CDKN3: variants seen among roughly 807,000 people sequenced by gnomAD.
CDKN3 encodes the protein cyclin-dependent kinase inhibitor 3.
A neutral mutation model predicts 36.1 loss-of-function variants in CDKN3; 19 were observed. That is an observed-to-expected ratio of 0.53 (90% CI 0.37 to 0.77). The LOEUF (loss-of-function observed/expected upper bound fraction) is 0.77, where lower values mean the gene tolerates loss of function less well. Among genes scored for constraint, CDKN3 ranks in the 30% least tolerant of loss-of-function variants. The pLI is 0.00. For synonymous variants in CDKN3, 71 were observed against 85.3 expected, an observed-to-expected ratio of 0.83 and a Z score of 0.92; for missense variants, 188 against 248.6, an observed-to-expected ratio of 0.76 and a Z score of 1.64.
At chr14:54,405,619 T>C (rs1426683373) in intron 3 of CDKN3, among the ~76,000 whole-genome samples, 1 of 152,232 alleles carries the variant, frequency 6.6e-6, no homozygotes. Context: ...TTTTTTATCT[T>C]TGTTGGTTTA....
chr14:54,408,394 T>C (rs1408219455), intron 3 of CDKN3, among the ~76,000 whole-genome samples: 1 of 152,234 alleles, frequency 6.6e-6, no homozygotes, highest in African/African-American at 2.4e-5. Flanking sequence ...TGGACTATAG[T>C]TAAAGGAACA....
chr14:54,419,710 G>T (rs1305151652), intron 7 of CDKN3, among the ~76,000 whole-genome samples: 4 of 152,060 alleles, frequency 2.6e-5, no homozygotes, highest in Non-Finnish European at 5.9e-5. Flanking sequence ...ATCTTATTTG[G>T]TCCTGTAAGT....
chr14:54,397,134 CG>C, intron 1 of CDKN3, 57 bp downstream of exon 1: 7 of 1,430,130 alleles, frequency 4.9e-6, no homozygotes, highest in Admixed American at 2.9e-5. Flanking sequence ...CAAGCGGTCC[CG>C]GGGACCCGAT....
At chr14:54,408,236 T>C (rs1433748233) in intron 3 of CDKN3, among the ~76,000 whole-genome samples, 1 of 152,270 alleles carries the variant, frequency 6.6e-6, no homozygotes, top group Non-Finnish European at 1.5e-5. Flanking sequence ...ACCAGCAGTG[T>C]AAAAGTGTTC....
chr14:54,400,937 T>G (rs2029916521), intron 2 of CDKN3, among the ~76,000 whole-genome samples: 1 of 152,240 alleles, frequency 6.6e-6, no homozygotes, highest in Non-Finnish European at 1.5e-5. Context: ...TTAAGGAAGT[T>G]CTATTTAAAA....
At chr14:54,411,352 T>C in intron 4 of CDKN3, 132 bp from the exon 5 acceptor site, 1 of 671,936 alleles carries the variant, frequency 1.5e-6, no homozygotes, top group Non-Finnish European at 2.5e-6. Flanking sequence ...CAATAGGCAC[T>C]TCAGATTTAT....
chr14:54,397,087 A>G lies in CDKN3; in HGVS notation c.9+10A>G. Reference sequence around the variant, plus strand: ...GCCAGCGATGAAGCCGGTGAGTCGGACGTGCTGGGGTTTGGAGGAGCGAGG... The same window carrying G: ...GCCAGCGATGAAGCCGGTGAGTCGGGCGTGCTGGGGTTTGGAGGAGCGAGG... On this transcript the variant is annotated intron_variant, in intron 1 of 7. Coordinates refer to ENST00000335183, the MANE Select transcript of CDKN3 (RefSeq NM_005192.4). The G allele has an allele frequency of 6.7e-7, 1 of 1,502,416 alleles. No individual in the cohort carries two copies. The highest frequency in any genetic ancestry group is 1.3e-5 in the South Asian group (1 of 79,176). The allele number at this position is 1,502,416 out of a possible 1,614,324, so 93.1% of individuals were successfully genotyped here. A position where few individuals can be genotyped will look rare whatever the true frequency, so the allele number is the denominator to read the frequency against.
rs113348768 is a variant in CDKN3, at chr14:54,413,693, C to T, written c.416+1987C>T. The T allele has an allele frequency of 1.2e-3, 1,793 of 1,534,604 alleles. 11 individuals carry two copies. The African/African-American group carries it at 0.014, about 12-fold the overall frequency. On this transcript the variant is annotated intron_variant, in intron 5 of 7. Transcript: ENST00000335183. ...CCCACACTTCTAGACAGCTATAGAG[C>T]TTATCCTTCAGCAACAGGATCTGGT...
chr14:54,405,766 A>ATTTAG (rs1219387363), intron 3 of CDKN3, among the ~76,000 whole-genome samples: 103 of 152,298 alleles, frequency 6.8e-4, no homozygotes, highest in Admixed American at 1.8e-3. Context: ...TGAATACAGC[A>ATTTAG]CACCAATGGG....
intron 5 of CDKN3, among the ~76,000 whole-genome samples, chr14:54,414,506 A>T (rs1429198959): frequency 6.6e-6 from 1 of 151,960 alleles, no homozygotes; most frequent in South Asian, 2.1e-4. Flanking sequence ...AAATAGTATT[A>T]ATCTTGCAAA....
intron 3 of CDKN3, among the ~76,000 whole-genome samples, chr14:54,402,036 C>G (rs563757565): frequency 7.5e-4 from 114 of 151,994 alleles, no homozygotes; most frequent in South Asian, 4.0e-3. Context: ...GGTGAAACCC[C>G]GTCTCTACTA....
rs1304798992 is a variant in CDKN3 at position 54,397,033 on chromosome 14, G to T, written c.-36G>T. Reference sequence around the variant, plus strand: ...CCGGTGAGTCGCCGGCGCTGCAGAGGGAGGCGGCACTGGTCTCGACGTGGG... The same window carrying T: ...CCGGTGAGTCGCCGGCGCTGCAGAGTGAGGCGGCACTGGTCTCGACGTGGG... On this transcript the variant is annotated 5_prime_UTR_variant, in exon 1 of 8. Transcript: ENST00000335183. 106 of 1,477,510 alleles carry T rather than the reference G, an allele frequency of 7.2e-5. No individual in the cohort carries two copies. The highest frequency in any genetic ancestry group is 9.3e-5 in the Non-Finnish European group (103 of 1,110,822). The allele number at this position is 1,477,510 out of a possible 1,614,324, so 91.5% of individuals were successfully genotyped here.
chr14:54,417,566 G>A (rs576918949), intron 6 of CDKN3, among the ~76,000 whole-genome samples: 42 of 152,254 alleles, frequency 2.8e-4, no homozygotes, highest in South Asian at 2.5e-3. Context: ...AATTGACTGT[G>A]GTGATGGTTG....
rs1250591704 is a variant in CDKN3 at position 54,408,733 on chromosome 14, T to C, written c.149-12T>C. 3.8e-6 allele frequency: 6 copies of C among 1,571,414 alleles called. No homozygotes were observed. Among genetic ancestry groups the C allele is most frequent in the Non-Finnish European group, 5.1e-6 (6 of 1,165,074 alleles). The stretch of plus-strand genomic sequence containing the variant: ...AAACTGACTTTTTTACTTGCTTTAT[T>C]ATTACTTATAGGTTGTAAATTTAAA... On this transcript the variant is annotated splice_polypyrimidine_tract_variant and intron_variant, in intron 3 of 7. Coordinates refer to ENST00000335183, the MANE Select transcript of CDKN3 (RefSeq NM_005192.4).
intron 1 of CDKN3, among the ~76,000 whole-genome samples, chr14:54,397,283 A>G (rs1886334472): frequency 6.6e-6 from 1 of 152,252 alleles, no homozygotes; most frequent in Non-Finnish European, 1.5e-5. Context: ...GACGAAGGAA[A>G]GACGGACATT....
intron 5 of CDKN3, chr14:54,411,947 G>C (rs2030370884): frequency 1.8e-6 from 1 of 565,354 alleles, no homozygotes; most frequent in Non-Finnish European, 3.1e-6. Flanking sequence ...GTTAGAACAA[G>C]GTTACAAGCT....
Position 54,419,975 on chromosome 14 carries a change from A to G in CDKN3, c.553-17A>G, listed in dbSNP as rs768870772. 2.0e-6 allele frequency: 3 copies of G among 1,485,686 alleles called. No homozygotes were observed. In the African/African-American group the frequency reaches 4.2e-5, roughly 21 times the overall value. 92.0% of individuals were successfully genotyped at this position (1,485,686 alleles called of 1,614,324 possible). A position where few individuals can be genotyped will look rare whatever the true frequency, so the allele number is the denominator to read the frequency against. ...AGTTTTCTACAGTGTATTCCAATGTATCTTTACTTTTTTCAGCAATACAAT... is the reference window on the plus strand; with the variant it reads ...AGTTTTCTACAGTGTATTCCAATGTGTCTTTACTTTTTTCAGCAATACAAT... On this transcript the variant is annotated splice_polypyrimidine_tract_variant and intron_variant, in intron 7 of 7. Coordinates refer to ENST00000335183, the MANE Select transcript of CDKN3 (RefSeq NM_005192.4).
chr14:54,413,948 T>C (rs901541722), intron 5 of CDKN3: 2 of 536,072 alleles, frequency 3.7e-6, no homozygotes, highest in Non-Finnish European at 5.5e-6. Context: ...AGCAGAGCCA[T>C]GCCCTCTGAG....
At chr14:54,411,150 C>T (rs2030335895) in intron 4 of CDKN3, 2 of 197,284 alleles carry the variant, frequency 1.0e-5, no homozygotes, top group Non-Finnish European at 9.7e-6. Flanking sequence ...TGCACTCCGG[C>T]CTGGTGACAG....
Sources: gnomAD v4.1 joint callset for allele counts (sites outside exome capture counted in the v4.1 genomes callset) on GRCh38, gnomAD v4.1.1 for gene constraint, MANE v1.5 for transcripts, NCBI Gene and HGNC (gene_info 2026-07-23, HGNC 2026-07-21) for gene names.